The following ABCC5 variants were observed in gnomAD, a reference collection of about 807,000 sequenced individuals.
ABCC5 encodes the protein ATP-binding cassette sub-family C member 5.
In ABCC5, 61 loss-of-function variants were observed where a neutral mutation model predicts 160.9. The observed-to-expected ratio is 0.38, with a 90% CI of 0.31 to 0.47. The LOEUF (loss-of-function observed/expected upper bound fraction) is 0.47, where lower values mean the gene tolerates loss of function less well. ABCC5 is among the 20% of genes least tolerant of loss of function. The probability of loss-of-function intolerance (pLI) is 0.99; values close to 1 mark genes in which losing one functional copy is unlikely to be tolerated. For missense variants in ABCC5, 1,308 were observed against 1,813.3 expected, an observed-to-expected ratio of 0.72 and a Z score of 5.06; for synonymous variants, 666 against 700.6, an observed-to-expected ratio of 0.95 and a Z score of 0.78.
At chr3:183,989,179 A>AAAT in intron 3 of ABCC5, 47 bp downstream of exon 3, 1 of 1,312,670 alleles carries the variant, frequency 7.6e-7, no homozygotes, top group African/African-American at 1.5e-5. Context: ...AAAAAAAAAA[A>AAAT]AAAGGCCTTT....
intron 29 of ABCC5, among the ~76,000 whole-genome samples, chr3:183,922,735 T>C (rs907463873): frequency 6.6e-6 from 1 of 152,106 alleles, no homozygotes; most frequent in African/African-American, 2.4e-5. Context: ...GAACATAACC[T>C]TGTTTAAGGA....
chr3:183,956,328 G>A (rs536727124), intron 17 of ABCC5, among the ~76,000 whole-genome samples: 12 of 145,216 alleles, frequency 8.3e-5, no homozygotes, highest in East Asian at 6.3e-4. Flanking sequence ...AAATCACATC[G>A]GTTACATGCA....
chr3:183,953,092 T>C lies in ABCC5; in HGVS notation c.2661A>G (p.Gly887=). ...CATTTATGAGTAACCTTACCCCGCTTCCTTGCTTGATCCAGTAACTCAACC... is the reference window on the plus strand; with the variant it reads ...CATTTATGAGTAACCTTACCCCGCTCCCTTGCTTGATCCAGTAACTCAACC... ...TWWLSYWIKQ[G]SGNTTVTRGN... Residue 887 remains glycine, a synonymous_variant, in exon 18 of 30, where the codon GGA becomes GGG. Coordinates refer to ENST00000334444, the MANE Select transcript of ABCC5 (RefSeq NM_005688.4). The C allele has an allele frequency of 1.2e-6, 2 of 1,613,654 alleles. No homozygotes were observed. Among genetic ancestry groups the C allele is most frequent in the Non-Finnish European group, 1.7e-6 (2 of 1,179,874 alleles).
At chr3:183,985,328 C>T (rs756874436) in intron 5 of ABCC5, 14 of 1,613,902 alleles carry the variant, frequency 8.7e-6, no homozygotes, top group African/African-American at 2.7e-5. Context: ...AGAGATTCTG[C>T]CCAGCTTGAC....
At chr3:183,995,566 C>T (rs370329169) in intron 2 of ABCC5, among the ~76,000 whole-genome samples, 5 of 152,284 alleles carry the variant, frequency 3.3e-5, no homozygotes, top group Admixed American at 1.3e-4. Context: ...GTGAGGTGTG[C>T]TGCACTTATG....
Position 183,921,231 on chromosome 3 carries a change from ATGAGGGGCCCGCCCC to A in ABCC5, c.*54_*68del. 2 of 875,094 alleles carry A rather than the reference ATGAGGGGCCCGCCCC, an allele frequency of 2.3e-6. No individual in the cohort carries two copies. The highest frequency in any genetic ancestry group is 1.8e-6 in the Non-Finnish European group (1 of 548,784). 54.2% of individuals were successfully genotyped at this position (875,094 alleles called of 1,614,324 possible). On this transcript the variant is annotated 3_prime_UTR_variant, in exon 30 of 30. Coordinates refer to ENST00000334444, the MANE Select transcript of ABCC5 (RefSeq NM_005688.4). The surrounding 1 kb of genome is among the most constrained non-coding windows in gnomAD (Gnocchi z 4.1). ...GGCAAGGTTTCGGTAGGAGGACGCG[ATGAGGGGCCCGCCCC>A]AGGCAGGGAATGGCAATGCTCTAAA...
In ABCC5 at chr3:183,971,860, G is replaced by C. The variant is rs1205658862; in HGVS notation, c.1464C>G (p.Ile488Met). ...MIKNKPASPH[I>M]KIEMKNATLA... ...AGGTGGCATTTTTCATCTCTATCTT[G>C]ATGTGAGGACTGGCTGGTTTGTTCT... Residue 488 changes from isoleucine (I) to methionine (M), a missense_variant, in exon 11 of 30, where the codon ATC becomes ATG. Physicochemically the swap from Ile to Met is conservative, Grantham distance 10. Around this residue, in one of 3 missense-constraint regions of ABCC5, gnomAD observed 1,142 missense variants for 1,527.1 expected, o/e 0.75. Coordinates refer to ENST00000334444, the MANE Select transcript of ABCC5 (RefSeq NM_005688.4). The C allele has an allele frequency of 2.5e-6, 4 of 1,614,018 alleles. No individual in the cohort carries two copies. The highest frequency in any genetic ancestry group is 3.4e-6 in the Non-Finnish European group (4 of 1,180,036).
At position 183,989,260 on chromosome 3, in the gene ABCC5, A is replaced by G; in HGVS notation, c.253T>C (p.Leu85=). The G allele has an allele frequency of 6.2e-7, 1 of 1,613,560 alleles. No homozygotes were observed. ...EHPKGKYHHG[L]SALKPIRTTS... is the part of the protein sequence containing the mutation. ...GTCCGGATGGGCTTCAGAGCACTCA[A>G]GCCATGATGGTACTTTCCCTTGGGA... The change falls in exon 3 of 30, where the codon TTG becomes CTG. Residue 85 remains leucine, a synonymous_variant. Transcript: ENST00000334444.
chr3:183,945,904 T>C lies in ABCC5; in HGVS notation c.3450A>G (p.Ala1150=), dbSNP rs1714796764. 6 of 1,614,160 alleles carry C rather than the reference T, an allele frequency of 3.7e-6. No homozygotes were observed. The highest frequency in any genetic ancestry group is 3.4e-6 in the Non-Finnish European group (4 of 1,179,994). Residue 1150 remains alanine, a synonymous_variant, in exon 24 of 30, where the codon GCA becomes GCG. Transcript: ENST00000334444. ...AGGTGAATCGAGCTTCTGTCTCAGA[T>C]GCCAGTCTGACCGTAAACTGGAACA... ...TGLFQFTVRL[A]SETEARFTSV... is the part of the protein sequence containing the mutation.
chr3:184,007,001 T>C (rs2108913272), intron 2 of ABCC5, among the ~76,000 whole-genome samples: 1 of 151,092 alleles, frequency 6.6e-6, no homozygotes. Flanking sequence ...GTACATGAAC[T>C]TTAGTTTACT....
At chr3:183,993,757 T>C (rs1719990821) in intron 2 of ABCC5, among the ~76,000 whole-genome samples, 1 of 152,198 alleles carries the variant, frequency 6.6e-6, no homozygotes, top group Admixed American at 6.5e-5. Flanking sequence ...TTTGCCATTT[T>C]AGCCATTTTA....
rs1715313314 is a variant in ABCC5 at position 183,951,224 on chromosome 3, C to T, written c.2944+217G>A. 6.6e-6 allele frequency among the ~76,000 whole-genome samples: 1 copy of T among 152,194 alleles called. No homozygotes were observed. Among genetic ancestry groups the T allele is most frequent in the Non-Finnish European group, 1.5e-5 (1 of 68,036 alleles). The stretch of plus-strand genomic sequence containing the variant: ...TGTGTGTGTTTCAGAATCTCAGATG[C>T]CTCTGTTCAAAGCCTTTCTGCTAAC... On this transcript the variant is annotated intron_variant, in intron 20 of 29. Transcript: ENST00000334444. The surrounding 1 kb of genome is among the most constrained non-coding windows in gnomAD (Gnocchi z 4.7).
intron 24 of ABCC5, 46 bp from the exon 25 acceptor site, chr3:183,942,962 G>A: frequency 6.5e-7 from 1 of 1,541,944 alleles, no homozygotes; most frequent in Non-Finnish European, 8.8e-7. Flanking sequence ...CAGATTCTTG[G>A]GGAGCTGCAG....
intron 10 of ABCC5, among the ~76,000 whole-genome samples, chr3:183,974,115 G>T (rs908672010): frequency 6.6e-6 from 1 of 152,096 alleles, no homozygotes; most frequent in Non-Finnish European, 1.5e-5. Context: ...CAGAATCTTA[G>T]ATATAACATA....
rs549124507 is a variant in ABCC5, at chr3:183,979,052, G to C, written c.1148-401C>G. 2.0e-5 allele frequency among the ~76,000 whole-genome samples: 3 copies of C among 152,198 alleles called. No homozygotes were observed. The South Asian group carries it at 6.2e-4, about 32-fold the overall frequency. On this transcript the variant is annotated intron_variant, in intron 8 of 29. Transcript: ENST00000334444. The stretch of plus-strand genomic sequence containing the variant: ...TGGCACTGGAGAATTAAAAAGGGAG[G>C]GACTAAGAGGCCAGGTGCGGTGGCT...
At position 183,959,881 on chromosome 3, in the gene ABCC5, A is replaced by G. The variant is rs142531371; in HGVS notation, c.2380-46T>C. The G allele has an allele frequency of 4.6e-5, 62 of 1,357,870 alleles. No individual in the cohort carries two copies. In the African/African-American group the frequency reaches 8.2e-4, roughly 18 times the overall value. 84.1% of individuals were successfully genotyped at this position (1,357,870 alleles called of 1,614,324 possible). On this transcript the variant is annotated intron_variant, in intron 16 of 29. Coordinates refer to ENST00000334444, the MANE Select transcript of ABCC5 (RefSeq NM_005688.4). ...AAGTCTCCAGTCATGTTAGCCATCC[A>G]GATGAATGTCCACAGGATACATATT... is the stretch of plus-strand genomic sequence containing the variant.
rs948427712 is a variant in ABCC5 at position 183,951,831 on chromosome 3, G to T, written c.2814+26C>A. On this transcript the variant is annotated intron_variant, in intron 19 of 29. Coordinates refer to ENST00000334444, the MANE Select transcript of ABCC5 (RefSeq NM_005688.4). This position sits in a 1 kb window ranked among gnomAD's most constrained non-coding sequence, Gnocchi z 4.7. ...CTGACCACAGGTCACCAGGGAGGAG[G>T]GCAGAGACCACCCACCAATGCATAC... The T allele has an allele frequency of 1.2e-6, 2 of 1,605,654 alleles. No homozygotes were observed. Among genetic ancestry groups the T allele is most frequent in the African/African-American group, 2.7e-5 (2 of 74,900 alleles).
intron 12 of ABCC5, chr3:183,967,432 T>C: frequency 2.3e-6 from 1 of 431,274 alleles, no homozygotes; most frequent in South Asian, 2.1e-5. Flanking sequence ...AGATACATGC[T>C]GAATGAAAGA....
intron 17 of ABCC5, among the ~76,000 whole-genome samples, chr3:183,954,963 T>C (rs986430163): frequency 6.6e-6 from 1 of 152,072 alleles, no homozygotes; most frequent in Admixed American, 6.5e-5. Context: ...AATTCAAAGA[T>C]TTTCTGATTG....
Sources: allele counts gnomAD v4.1 joint callset (sites outside exome capture counted in the v4.1 genomes callset), GRCh38; gene constraint gnomAD v4.1.1; regional missense constraint gnomAD v4.1.1; non-coding constraint Gnocchi (gnomAD v3.1); transcripts MANE v1.5; gene names NCBI Gene and HGNC (gene_info 2026-07-23, HGNC 2026-07-21).